The following EVA1A variants were observed in gnomAD, a reference collection of about 807,000 sequenced individuals.
EVA1A encodes protein eva-1 homolog A.
EVA1A carries 7 observed loss-of-function variants against 9.8 expected under a neutral mutation model. That is an observed-to-expected ratio of 0.71 (90% CI 0.41 to 1.34). EVA1A has a LOEUF of 1.34. EVA1A is among the 40% of genes most tolerant of loss of function. The pLI, the probability that EVA1A is intolerant of heterozygous loss-of-function variation, is 0.01. For missense variants in EVA1A, 206 were observed against 205.9 expected (o/e 1.00, Z 0.00); for synonymous variants, 90 against 85.6 (o/e 1.05, Z -0.28).
chr2:75,493,430 C>T lies in EVA1A; in HGVS notation c.265G>A (p.Glu89Lys). ...ACGGAGAGATCGGACACGGTGTCCT[C>T]ACTGCCATCCTCGCTGTCGCTGCTG... is the stretch of plus-strand genomic sequence containing the variant. The part of the protein sequence containing the change: ...SDSSDSEDGS[E>K]DTVSDLSVRR... Residue 89 changes from glutamate (E) to lysine (K), a missense_variant, in exon 4 of 4, where the codon GAG becomes AAG. Coordinates refer to ENST00000393913, the MANE Select transcript of EVA1A (RefSeq NM_001135032.2). 1 of 1,613,982 alleles carries T rather than the reference C, an allele frequency of 6.2e-7. No individual in the cohort carries two copies. Among genetic ancestry groups the T allele is most frequent in the Non-Finnish European group, 8.5e-7 (1 of 1,179,970 alleles).
At chr2:75,568,299 C>G (rs888092471) in intron 1 of EVA1A, among the ~76,000 whole-genome samples, 1 of 150,694 alleles carries the variant, frequency 6.6e-6, no homozygotes, top group Non-Finnish European at 1.5e-5. Context: ...AATAATAAAT[C>G]ATTGTTACCA....
intron 1 of EVA1A, among the ~76,000 whole-genome samples, chr2:75,555,454 C>G (rs976734048): frequency 6.6e-6 from 1 of 152,026 alleles, no homozygotes; most frequent in African/African-American, 2.4e-5. Flanking sequence ...AACCTAGACT[C>G]TGGAGGGGCC....
At chr2:75,548,397 A>G (rs1676401941) in intron 1 of EVA1A, among the ~76,000 whole-genome samples, 1 of 152,132 alleles carries the variant, frequency 6.6e-6, no homozygotes, top group Non-Finnish European at 1.5e-5. Context: ...GACCTCCCAC[A>G]GTGCTGAGAT....
chr2:75,510,235 T>C (rs1490757602), intron 3 of EVA1A, among the ~76,000 whole-genome samples: 1 of 152,226 alleles, frequency 6.6e-6, no homozygotes, highest in African/African-American at 2.4e-5. Flanking sequence ...TTTGTGCATA[T>C]GTTTCTGTAT....
intron 1 of EVA1A, among the ~76,000 whole-genome samples, chr2:75,545,383 G>C (rs1056039349): frequency 6.6e-6 from 1 of 152,176 alleles, no homozygotes; most frequent in East Asian, 1.9e-4. Context: ...TTTGGGACTG[G>C]AGAAACAGAG....
chr2:75,542,731 T>C (rs1406138064), intron 1 of EVA1A: 1 of 152,216 alleles, frequency 6.6e-6, no homozygotes, highest in African/African-American at 2.4e-5. Context: ...GGTGATAAGG[T>C]CTTTGAAAAT....
At chr2:75,514,471 G>A (rs1256269042) in intron 3 of EVA1A, among the ~76,000 whole-genome samples, 1 of 151,710 alleles carries the variant, frequency 6.6e-6, no homozygotes, top group East Asian at 1.9e-4. Flanking sequence ...CTATATGTAT[G>A]GTATAATTCA....
At chr2:75,560,638 G>C (rs1676891776) in intron 1 of EVA1A, 42 bp downstream of exon 1, 1 of 238 alleles carries the variant, frequency 4.2e-3, no homozygotes, top group Non-Finnish European at 5.5e-3. Flanking sequence ...GGGGATGCCG[G>C]GCGCCCCCAG....
intron 3 of EVA1A, among the ~76,000 whole-genome samples, chr2:75,497,477 G>T (rs544731639): frequency 6.6e-6 from 1 of 151,882 alleles, no homozygotes. Context: ...TCAAAACCAC[G>T]ACGAGATACC....
At chr2:75,559,919 G>A (rs1219885898) in intron 1 of EVA1A, among the ~76,000 whole-genome samples, 1 of 152,142 alleles carries the variant, frequency 6.6e-6, no homozygotes, top group Non-Finnish European at 1.5e-5. Context: ...AACTCAGGCA[G>A]TTAATAAGAA....
Position 75,502,199 on chromosome 2 carries a change from A to G in EVA1A, c.86-8590T>C, listed in dbSNP as rs76793971. On this transcript the variant is annotated intron_variant, in intron 3 of 3. Coordinates refer to ENST00000393913, the MANE Select transcript of EVA1A (RefSeq NM_001135032.2). ...ATAGGCTGTCTTTTAAAGCCTCTAGATAGCTTATGTATCCACTAAGGCAGC... is the reference window on the plus strand; with the variant it reads ...ATAGGCTGTCTTTTAAAGCCTCTAGGTAGCTTATGTATCCACTAAGGCAGC... 1.5e-3 allele frequency among the ~76,000 whole-genome samples: 226 copies of G among 152,310 alleles called. 3 individuals are homozygous for G. In the East Asian group the frequency reaches 0.039, roughly 26 times the overall value.
chr2:75,509,777 A>G (rs1283973975), intron 3 of EVA1A, among the ~76,000 whole-genome samples: 1 of 152,162 alleles, frequency 6.6e-6, no homozygotes, highest in Non-Finnish European at 1.5e-5. Flanking sequence ...GGTAATCTCT[A>G]TGCATATTAA....
At chr2:75,543,012 T>G (rs527869382) in intron 1 of EVA1A, among the ~76,000 whole-genome samples, 14 of 152,206 alleles carry the variant, frequency 9.2e-5, no homozygotes, top group African/African-American at 3.4e-4. Context: ...AGCCTGCAAG[T>G]ATCCACTGGA....
In EVA1A at chr2:75,493,184, G is replaced by A; in HGVS notation, c.*52C>T. On this transcript the variant is annotated 3_prime_UTR_variant, in exon 4 of 4. Coordinates refer to ENST00000393913, the MANE Select transcript of EVA1A (RefSeq NM_001135032.2). The stretch of plus-strand genomic sequence containing the variant: ...GTTCCTTGTGCCCACTGTCCCTGCA[G>A]ACGCTCTCCTTTCCAGGCGGCCTCC... 6.4e-7 allele frequency: 1 copy of A among 1,557,462 alleles called. No individual in the cohort carries two copies.
chr2:75,526,133 C>G (rs542795919), intron 1 of EVA1A: 2 of 152,340 alleles, frequency 1.3e-5, no homozygotes, highest in South Asian at 4.1e-4. Flanking sequence ...ATGATTGACT[C>G]ATAGTGCTTC....
At position 75,541,100 on chromosome 2, in the gene EVA1A, C is replaced by T. The variant is rs573792627; in HGVS notation, c.-191-18613G>A. On this transcript the variant is annotated intron_variant, in intron 1 of 3. Coordinates refer to ENST00000393913, the MANE Select transcript of EVA1A (RefSeq NM_001135032.2). The stretch of plus-strand genomic sequence containing the variant: ...GTAGGATCTGGAAGTGCAGAGAGGG[C>T]CAGGGCCCCTCCCTGAGGACAACAC... Among the ~76,000 whole-genome samples the T allele has an allele frequency of 6.6e-5, 10 of 152,282 alleles. No homozygotes were observed. In the East Asian group the frequency reaches 1.9e-3, roughly 29 times the overall value.
intron 3 of EVA1A, among the ~76,000 whole-genome samples, chr2:75,513,738 C>T (rs73938924): frequency 0.016 from 2,391 of 152,196 alleles, 58 homozygotes; most frequent in African/African-American, 0.055. Context: ...CTTGTGACAA[C>T]ATGGATAAAG....
chr2:75,541,111 C>T (rs1658976427), intron 1 of EVA1A, among the ~76,000 whole-genome samples: 1 of 152,212 alleles, frequency 6.6e-6, no homozygotes, highest in South Asian at 2.1e-4. Flanking sequence ...CAGGGCCCCT[C>T]CCTGAGGACA....
intron 1 of EVA1A, among the ~76,000 whole-genome samples, chr2:75,528,517 C>A (rs1675533331): frequency 6.6e-6 from 1 of 152,118 alleles, no homozygotes. Flanking sequence ...ACTTCCCTGG[C>A]AATCTGTATG....
Sources: gnomAD v4.1 joint callset for allele counts (sites outside exome capture counted in the v4.1 genomes callset) on GRCh38, gnomAD v4.1.1 for gene constraint, MANE v1.5 for transcripts, NCBI Gene and HGNC (gene_info 2026-07-23, HGNC 2026-07-21) for gene names.